NT5C2: variants seen among roughly 807,000 people sequenced by gnomAD.
The protein encoded by NT5C2 is 5'-nucleotidase, cytosolic II.
A neutral mutation model predicts 76.1 loss-of-function variants in NT5C2; 58 were observed. That is an observed-to-expected ratio of 0.76 (90% CI 0.62 to 0.95). The LOEUF is 0.95. Among genes scored for constraint, NT5C2 ranks in the 40% least tolerant of loss-of-function variants. The pLI is 0.00. For missense variants in NT5C2, 478 were observed against 690.3 expected (o/e 0.69, Z 3.45); for synonymous variants, 229 against 237.4 (o/e 0.96, Z 0.32).
chr10:103,112,814 C>G (rs1198707576), intron 4 of NT5C2, among the ~76,000 whole-genome samples: 2 of 152,214 alleles, frequency 1.3e-5, no homozygotes, highest in Non-Finnish European at 2.9e-5. Context: ...ACATGCTCAT[C>G]TATTTAGCTG....
intron 5 of NT5C2, among the ~76,000 whole-genome samples, chr10:103,106,234 G>C (rs1009556931): frequency 1.3e-5 from 2 of 152,104 alleles, no homozygotes; most frequent in Admixed American, 6.5e-5. Context: ...AATGGAAACT[G>C]CCAAGCTTCT....
At chr10:103,097,460 C>A (rs1361275888) in intron 10 of NT5C2, 86 bp from the exon 11 acceptor site, 6 of 1,146,036 alleles carry the variant, frequency 5.2e-6, no homozygotes, top group Non-Finnish European at 7.9e-6. Flanking sequence ...TTTCTGTCCA[C>A]AACAGGAATG....
intron 18 of NT5C2, chr10:103,090,206 A>C: frequency 2.8e-6 from 1 of 359,154 alleles, no homozygotes; most frequent in Non-Finnish European, 5.0e-6. Context: ...GATCAGAATA[A>C]AGGAATGTAA....
chr10:103,140,455 A>G (rs762762566), intron 3 of NT5C2, among the ~76,000 whole-genome samples: 4 of 152,136 alleles, frequency 2.6e-5, no homozygotes, highest in African/African-American at 4.8e-5. Flanking sequence ...CCATCAACAG[A>G]TATCTTTTTT....
chr10:103,092,624 C>T (rs1406069323), intron 15 of NT5C2, among the ~76,000 whole-genome samples: 1 of 152,214 alleles, frequency 6.6e-6, no homozygotes, highest in Non-Finnish European at 1.5e-5. Context: ...ATATCCGTAA[C>T]TCAGTTCAGC....
In NT5C2 at chr10:103,091,659, A is replaced by T; in HGVS notation, c.1160-44T>A. 3 of 1,521,308 alleles carry T rather than the reference A, an allele frequency of 2.0e-6. No homozygotes were observed. The South Asian group carries it at 3.4e-5, about 17-fold the overall frequency. The allele number at this position is 1,521,308 out of a possible 1,614,324, so 94.2% of individuals were successfully genotyped here. A position where few individuals can be genotyped will look rare whatever the true frequency, so the allele number is the denominator to read the frequency against. On this transcript the variant is annotated intron_variant, in intron 15 of 18. Coordinates refer to ENST00000404739, the MANE Select transcript of NT5C2 (RefSeq NM_001351169.2). ...GAAAAGGAAGACATTTTAAATAAAT[A>T]AGCACCTAGTTCTTAACTGCTGCTA...
intron 3 of NT5C2, among the ~76,000 whole-genome samples, chr10:103,165,829 G>T (rs775096149): frequency 1.3e-5 from 2 of 152,036 alleles, no homozygotes; most frequent in South Asian, 4.1e-4. Flanking sequence ...GTACCACCAC[G>T]CCTGGCTAAT....
At chr10:103,115,403 AG>A (rs1343514289) in intron 4 of NT5C2, among the ~76,000 whole-genome samples, 1 of 152,220 alleles carries the variant, frequency 6.6e-6, no homozygotes, top group Non-Finnish European at 1.5e-5. Context: ...CTCCGTCTCC[AG>A]AATAAAAAAA....
intron 4 of NT5C2, among the ~76,000 whole-genome samples, chr10:103,119,459 A>C (rs1198563982): frequency 1.3e-5 from 2 of 152,220 alleles, no homozygotes; most frequent in African/African-American, 4.8e-5. Flanking sequence ...TTGCACATAT[A>C]ATCTGGAAGC....
At chr10:103,163,710 TAAA>T (rs11440429) in intron 3 of NT5C2, among the ~76,000 whole-genome samples, 2 of 143,340 alleles carry the variant, frequency 1.4e-5, no homozygotes, top group African/African-American at 2.6e-5. Context: ...ACTAAAAACT[TAAA>T]AAAAAAAAAA....
intron 11 of NT5C2, 130 bp downstream of exon 11, chr10:103,097,161 T>C (rs914791089): frequency 2.9e-6 from 2 of 679,714 alleles, no homozygotes; most frequent in African/African-American, 1.8e-5. Context: ...TTTTGCCTTT[T>C]TACTCTTTGA....
At chr10:103,131,367 T>TA (rs1328196314) in intron 4 of NT5C2, among the ~76,000 whole-genome samples, 1 of 152,244 alleles carries the variant, frequency 6.6e-6, no homozygotes, top group African/African-American at 2.4e-5. Flanking sequence ...TTGTGTCCTT[T>TA]AAAGTTCATA....
At chr10:103,142,088 A>G (rs1485470244) in intron 3 of NT5C2, among the ~76,000 whole-genome samples, 1 of 152,118 alleles carries the variant, frequency 6.6e-6, no homozygotes, top group Non-Finnish European at 1.5e-5. Context: ...GCTGGAGTTG[A>G]GAAGCTTTCT....
chr10:103,159,632 G>A (rs1406922459), intron 3 of NT5C2, among the ~76,000 whole-genome samples: 4 of 148,892 alleles, frequency 2.7e-5, no homozygotes. Flanking sequence ...TTGGGTGACA[G>A]AGCAAGACCC....
intron 4 of NT5C2, among the ~76,000 whole-genome samples, chr10:103,111,175 G>A (rs1280004941): frequency 6.6e-6 from 1 of 152,086 alleles, no homozygotes; most frequent in Non-Finnish European, 1.5e-5. Flanking sequence ...GACTTTCTGT[G>A]GTTCCAAAAC....
At chr10:103,095,326 G>C (rs1005035072) in intron 12 of NT5C2, among the ~76,000 whole-genome samples, 1 of 152,148 alleles carries the variant, frequency 6.6e-6, no homozygotes, top group African/African-American at 2.4e-5. Flanking sequence ...CCAACCTGAA[G>C]GGCACTGCAC....
At chr10:103,142,755 C>A (rs570595466) in intron 3 of NT5C2, among the ~76,000 whole-genome samples, 23 of 152,048 alleles carry the variant, frequency 1.5e-4, no homozygotes, top group African/African-American at 4.1e-4. Context: ...GAGGCTGAGG[C>A]GGGTGGATCA....
chr10:103,143,949 T>C (rs1305976696), intron 3 of NT5C2, among the ~76,000 whole-genome samples: 1 of 152,102 alleles, frequency 6.6e-6, no homozygotes, highest in Non-Finnish European at 1.5e-5. Context: ...AGCAAGACCC[T>C]GTCTCAAACA....
intron 6 of NT5C2, among the ~76,000 whole-genome samples, chr10:103,104,126 G>A (rs368270925): frequency 3.3e-5 from 5 of 152,222 alleles, no homozygotes; most frequent in African/African-American, 7.2e-5. Flanking sequence ...GATTATAGGC[G>A]TAAGCCACTG....
Sources: gnomAD v4.1 joint callset for allele counts (sites outside exome capture counted in the v4.1 genomes callset) on GRCh38, gnomAD v4.1.1 for gene constraint, MANE v1.5 for transcripts, NCBI Gene and HGNC (gene_info 2026-07-23, HGNC 2026-07-21) for gene names.